Variants in SLC5A4 observed in about 807,000 individuals in gnomAD.
SLC5A4 encodes the protein probable glucose sensor protein SLC5A4.
Under a neutral mutation model 70.3 loss-of-function variants are expected in SLC5A4, and 55 were observed. The observed-to-expected ratio is 0.78, with a 90% CI of 0.63 to 0.98. The LOEUF (loss-of-function observed/expected upper bound fraction) is 0.98, where lower values mean the gene tolerates loss of function less well. Ranked by LOEUF, SLC5A4 falls within the 50% of genes least tolerant of loss-of-function variation. The pLI, the probability that SLC5A4 is intolerant of heterozygous loss-of-function variation, is 0.00. For missense variants in SLC5A4, 735 were observed against 839.2 expected (o/e 0.88, Z 1.53); for synonymous variants, 268 against 305.7 (o/e 0.88, Z 1.29).
the SLC5A4 span, among the ~76,000 whole-genome samples, chr22:32,347,816 TG>T: frequency 6.6e-6 from 1 of 151,702 alleles, no homozygotes; most frequent in African/African-American, 2.4e-5. Context: ...GTAACAAACC[TG>T]CATGTTGTGC....
At chr22:32,291,876 A>T in the SLC5A4 span, among the ~76,000 whole-genome samples, 10 of 39,508 alleles carry the variant, frequency 2.5e-4, no homozygotes, top group South Asian at 6.8e-4. Flanking sequence ...TTTCTTTTCT[A>T]TCTTTTTTTT....
the SLC5A4 span, among the ~76,000 whole-genome samples, chr22:32,321,458 G>C: frequency 2.0e-5 from 3 of 152,088 alleles, no homozygotes; most frequent in Non-Finnish European, 4.4e-5. Flanking sequence ...TCTCAAAAAC[G>C]AACACAAATC....
At chr22:32,266,859 T>C in the SLC5A4 span, among the ~76,000 whole-genome samples, 1 of 152,196 alleles carries the variant, frequency 6.6e-6, no homozygotes, top group Non-Finnish European at 1.5e-5. Context: ...GAAAAAATAT[T>C]TTTATGTGGA....
At chr22:32,350,351 A>G in the SLC5A4 span, among the ~76,000 whole-genome samples, 2 of 152,192 alleles carry the variant, frequency 1.3e-5, no homozygotes, top group Admixed American at 6.5e-5. Context: ...CCATCCTGTA[A>G]AAGTCTGCTA....
the SLC5A4 span, among the ~76,000 whole-genome samples, chr22:32,347,642 G>A: frequency 1.4e-5 from 2 of 146,884 alleles, no homozygotes; most frequent in Non-Finnish European, 3.0e-5. Flanking sequence ...ACTCATAGAT[G>A]GGAACTGAAC....
intron 2 of SLC5A4, 63 bp from the exon 3 acceptor site, chr22:32,251,937 T>C (rs1927190944): frequency 8.2e-7 from 1 of 1,225,650 alleles, no homozygotes; most frequent in Non-Finnish European, 1.2e-6. Flanking sequence ...TTCTTGAAAA[T>C]AGACAGATGT....
the SLC5A4 span, among the ~76,000 whole-genome samples, chr22:32,261,057 G>C: frequency 1.7e-4 from 25 of 146,880 alleles, no homozygotes; most frequent in African/African-American, 6.3e-4. Context: ...TGGGTGACAG[G>C]GCAAAAAAAA....
chr22:32,269,808 A>G, the SLC5A4 span: 5 of 677,394 alleles, frequency 7.4e-6, no homozygotes, highest in South Asian at 6.8e-5. The surrounding 1 kb of genome is among the most constrained non-coding windows in gnomAD (Gnocchi z 4.1). Context: ...CTCCCATGAC[A>G]AGATGGTCAT....
the SLC5A4 span, among the ~76,000 whole-genome samples, chr22:32,292,291 A>G: frequency 7.2e-6 from 1 of 139,362 alleles, no homozygotes. Context: ...TATATATAAT[A>G]TATACTAGAT....
At chr22:32,330,914 T>TGG in the SLC5A4 span, among the ~76,000 whole-genome samples, 1 of 109,328 alleles carries the variant, frequency 9.1e-6, no homozygotes, top group Non-Finnish European at 1.9e-5. Context: ...TGTGTGTGTG[T>TGG]GTTGGAGGCC....
chr22:32,340,744 AT>A, the SLC5A4 span, among the ~76,000 whole-genome samples: 4 of 152,102 alleles, frequency 2.6e-5, no homozygotes, highest in African/African-American at 9.7e-5. Flanking sequence ...GTGTCGGGAG[AT>A]GAGGACAGAG....
chr22:32,255,867 G>A (rs771518038), upstream of SLC5A4, among the ~76,000 whole-genome samples: 2 of 152,196 alleles, frequency 1.3e-5, no homozygotes, highest in Non-Finnish European at 2.9e-5. Context: ...GTATAGGAAA[G>A]GAAGTGGCTC....
At chr22:32,247,735 C>A (rs183982705) in intron 4 of SLC5A4, among the ~76,000 whole-genome samples, 1 of 152,296 alleles carries the variant, frequency 6.6e-6, no homozygotes, top group Admixed American at 6.5e-5. Flanking sequence ...GAAGGACCCC[C>A]CCATGGATAA....
the SLC5A4 span, among the ~76,000 whole-genome samples, chr22:32,261,821 C>T: frequency 6.6e-6 from 1 of 152,170 alleles, no homozygotes; most frequent in East Asian, 1.9e-4. Context: ...CTCCCAGCTC[C>T]ACAATACCCT....
At chr22:32,352,757 C>T in the SLC5A4 span, among the ~76,000 whole-genome samples, 18 of 152,382 alleles carry the variant, frequency 1.2e-4, no homozygotes, top group Middle Eastern at 3.4e-3. Context: ...TCACCCTCAA[C>T]GCACAGGCCC....
chr22:32,303,646 T>G, the SLC5A4 span, among the ~76,000 whole-genome samples: 1 of 152,172 alleles, frequency 6.6e-6, no homozygotes, highest in Non-Finnish European at 1.5e-5. Context: ...CCTCATTTCT[T>G]TTTAGCATTG....
chr22:32,337,948 A>G, the SLC5A4 span, among the ~76,000 whole-genome samples: 23 of 152,340 alleles, frequency 1.5e-4, no homozygotes, highest in Admixed American at 3.9e-4. Context: ...ATGTTTATAT[A>G]ATTTGCAATA....
the SLC5A4 span, among the ~76,000 whole-genome samples, chr22:32,320,269 T>TG: frequency 4.6e-5 from 7 of 152,256 alleles, no homozygotes; most frequent in Middle Eastern, 3.4e-3. Context: ...TCACTGCTGG[T>TG]GGGGGGGATG....
the SLC5A4 span, among the ~76,000 whole-genome samples, chr22:32,293,675 G>T: frequency 0.33 from 50,546 of 151,664 alleles, 8,533 homozygotes; most frequent in Admixed American, 0.42. Flanking sequence ...ATTTAGATTT[G>T]CCCCAGATAT....
Sources: allele counts gnomAD v4.1 joint callset (sites outside exome capture counted in the v4.1 genomes callset), GRCh38; gene constraint gnomAD v4.1.1; non-coding constraint Gnocchi (gnomAD v3.1); transcripts MANE v1.5; gene names NCBI Gene and HGNC (gene_info 2026-07-23, HGNC 2026-07-21).